The following NPPB variants were observed in gnomAD, a reference collection of about 807,000 sequenced individuals.
NPPB encodes the protein natriuretic peptide B.
In NPPB, 13 loss-of-function variants were observed where a neutral mutation model predicts 12.7. The ratio of observed to expected loss-of-function variants is 1.03; its 90% CI spans 0.67 to 1.63. The LOEUF (loss-of-function observed/expected upper bound fraction) is 1.63. NPPB is among the 40% of genes most tolerant of loss of function. NPPB has a pLI of 0.00. For missense variants in NPPB, 184 were observed against 172.9 expected (o/e 1.06, Z -0.36); for synonymous variants, 66 against 74.7 (o/e 0.88, Z 0.60).
At chr1:11,858,042 T>G (rs1020613832) in intron 2 of NPPB, among the ~76,000 whole-genome samples, 172 bp downstream of exon 2, 14 of 152,186 alleles carry the variant, frequency 9.2e-5, no homozygotes, top group Non-Finnish European at 1.9e-4. Context: ...CCACATTTAC[T>G]AATTCCACAA....
chr1:11,858,532 G>A, intron 1 of NPPB, 63 bp from the exon 2 acceptor site: 1 of 1,543,120 alleles, frequency 6.5e-7, no homozygotes. Context: ...GCCCTTCATG[G>A]CACCCAAGTG....
rs781035522 is a variant in NPPB, at chr1:11,858,191, C to T, written c.388+23G>A. Reference sequence around the variant, plus strand: ...CACACACTGGAATGGGGGAAGGCGGCCGGGGTGGCAGGGGGTGCTTACCTT... The same window carrying T: ...CACACACTGGAATGGGGGAAGGCGGTCGGGGTGGCAGGGGGTGCTTACCTT... On this transcript the variant is annotated intron_variant, in intron 2 of 2. Transcript: ENST00000376468. 25 of 1,572,076 alleles carry T rather than the reference C, an allele frequency of 1.6e-5. No homozygotes were observed. The East Asian group carries it at 5.4e-4, about 34-fold the overall frequency.
intron 2 of NPPB, 31 bp downstream of exon 2, chr1:11,858,183 G>C: frequency 6.4e-7 from 1 of 1,564,050 alleles, no homozygotes. Context: ...TGGAATGGGG[G>C]AAGGCGGCCG....
chr1:11,858,848 T>G lies in NPPB; in HGVS notation c.-15A>C, dbSNP rs1349703127. 6.2e-6 allele frequency: 10 copies of G among 1,612,546 alleles called. No homozygotes were observed. The South Asian group carries it at 1.1e-4, about 18-fold the overall frequency. ...TGGGGATCCATGTCTCTGGAGGGAC[T>G]GCGGAGGCTGCTGCTGCTGCTTCTG... On this transcript the variant is annotated 5_prime_UTR_variant, in exon 1 of 3. Transcript: ENST00000376468.
Position 11,858,854 on chromosome 1 carries a change from GGCTGCTGCTGCTGCTTCTGCT to G in NPPB, c.-42_-22del, listed in dbSNP as rs750116217. 2.6e-4 allele frequency: 426 copies of G among 1,609,016 alleles called. No individual in the cohort carries two copies. Among genetic ancestry groups the G allele is most frequent in the Non-Finnish European group, 3.4e-4 (405 of 1,179,864 alleles). On this transcript the variant is annotated 5_prime_UTR_variant, in exon 1 of 3. Transcript: ENST00000376468. ...TCCATGTCTCTGGAGGGACTGCGGA[GGCTGCTGCTGCTGCTTCTGCT>G]GCTGCTGCTGCTGCTGCGATGCGTC...
Position 11,858,935 on chromosome 1 carries a change from G to T in NPPB, c.-102C>A. The T allele has an allele frequency of 6.3e-7, 1 of 1,578,530 alleles. No homozygotes were observed. The highest frequency in any genetic ancestry group is 1.1e-5 in the South Asian group (1 of 88,366). On this transcript the variant is annotated 5_prime_UTR_variant, in exon 1 of 3. Coordinates refer to ENST00000376468, the MANE Select transcript of NPPB (RefSeq NM_002521.3). The stretch of plus-strand genomic sequence containing the variant: ...TTCCCACCTGCCCTCAGCCTGCGGG[G>T]TGCTCCTCCTGGCTCCTCGGGACAC...
In NPPB at chr1:11,858,698, T is replaced by G. The variant is rs779881008; in HGVS notation, c.132+4A>C. ...AATCCCCCTGAGCTGCCCTCCGCTC[T>G]CACCTGTAACCCGGACGTTTCCAAG... On this transcript the variant is annotated splice_donor_region_variant and intron_variant, in intron 1 of 2. Transcript: ENST00000376468. 7.4e-6 allele frequency: 12 copies of G among 1,614,072 alleles called. No homozygotes were observed. The Admixed American group carries it at 1.2e-4, about 16-fold the overall frequency.
At chr1:11,858,026 A>G (rs1645131326) in intron 2 of NPPB, among the ~76,000 whole-genome samples, 188 bp downstream of exon 2, 3 of 152,216 alleles carry the variant, frequency 2.0e-5, no homozygotes. Context: ...TGGTAATGAA[A>G]TAAGCCCACA....
At chr1:11,858,490 C>T in intron 1 of NPPB, 21 bp from the exon 2 acceptor site, 1 of 1,532,472 alleles carries the variant, frequency 6.5e-7, no homozygotes, top group Non-Finnish European at 8.8e-7. Flanking sequence ...TGGGGGCGTC[C>T]AAGCCTCAGG....
At position 11,858,344 on chromosome 1, in the gene NPPB, G is replaced by A; in HGVS notation, c.258C>T (p.Gly86=). ...VWKSREVATE[G]IRGHRKMVLY... ...GGACCATTTTGCGGTGCCCACGGAT[G>A]CCCTCGGTGGCTACCTCCCGGGACT... is the stretch of plus-strand genomic sequence containing the variant. The change falls in exon 2 of 3, where the codon GGC becomes GGT. Residue 86 remains glycine, a synonymous_variant. Transcript: ENST00000376468. The A allele has an allele frequency of 6.2e-7, 1 of 1,612,344 alleles. No homozygotes were observed.
At position 11,858,239 on chromosome 1, in the gene NPPB, G is replaced by A. The variant is rs761461008; in HGVS notation, c.363C>T (p.Ser121=). The A allele has an allele frequency of 6.2e-7, 1 of 1,612,418 alleles. No individual in the cohort carries two copies. The highest frequency in any genetic ancestry group is 1.1e-5 in the South Asian group (1 of 90,872). The stretch of plus-strand genomic sequence containing the variant: ...CTTTGCAGCCCAGGCCACTGGAGGA[G>A]CTGATCCGGTCCATCTTCCTCCCAA... The part of the protein sequence containing the change: ...GCFGRKMDRI[S]SSSGLGCKVL... The change falls in exon 2 of 3, where the codon AGC becomes AGT. Residue 121 remains serine, a synonymous_variant. Coordinates refer to ENST00000376468, the MANE Select transcript of NPPB (RefSeq NM_002521.3).
Position 11,858,901 on chromosome 1 carries a change from C to A in NPPB, c.-68G>T. 9.3e-6 allele frequency: 15 copies of A among 1,609,622 alleles called. No individual in the cohort carries two copies. The highest frequency in any genetic ancestry group is 1.1e-5 in the Non-Finnish European group (13 of 1,179,074). On this transcript the variant is annotated 5_prime_UTR_variant, in exon 1 of 3. Transcript: ENST00000376468. ...GCTGCTGCTGCTGCTGCGATGCGTC[C>A]GGGTTTGCTTCCCACCTGCCCTCAG...
At chr1:11,858,107 C>G in intron 2 of NPPB, 107 bp downstream of exon 2, 1 of 1,127,526 alleles carries the variant, frequency 8.9e-7, no homozygotes, top group South Asian at 1.6e-5. Flanking sequence ...TCCAGGTGAC[C>G]TTTTCTCAAA....
chr1:11,858,684 G>A lies in NPPB; in HGVS notation c.132+18C>T. On this transcript the variant is annotated intron_variant, in intron 1 of 2. Transcript: ENST00000376468. Reference sequence around the variant, plus strand: ...CATTGCTGCTGTCCAATCCCCCTGAGCTGCCCTCCGCTCTCACCTGTAACC... The same window carrying A: ...CATTGCTGCTGTCCAATCCCCCTGAACTGCCCTCCGCTCTCACCTGTAACC... 1 of 1,614,166 alleles carries A rather than the reference G, an allele frequency of 6.2e-7. No homozygotes were observed. Among genetic ancestry groups the A allele is most frequent in the Non-Finnish European group, 8.5e-7 (1 of 1,180,028 alleles).
chr1:11,858,214 C>G lies in NPPB; in HGVS notation c.388G>C (p.Val130Leu), dbSNP rs769562494. Residue 130 changes from valine to leucine, a missense_variant and splice_region_variant, in exon 2 of 3, where the codon GTG (valine) becomes CTG (leucine). By Grantham distance (32) the Val-to-Leu change is conservative. Coordinates refer to ENST00000376468, the MANE Select transcript of NPPB (RefSeq NM_002521.3). ...GGCCGGGGTGGCAGGGGGTGCTTAC[C>G]TTTGCAGCCCAGGCCACTGGAGGAG... is the stretch of plus-strand genomic sequence containing the variant. ...ISSSSGLGCKVLRRH is the reference protein window; with the variant it reads ...ISSSSGLGCKLLRRH 48 of 1,600,616 alleles carry G rather than the reference C, an allele frequency of 3.0e-5. No individual in the cohort carries two copies. Among genetic ancestry groups the G allele is most frequent in the Non-Finnish European group, 4.1e-5 (48 of 1,171,982 alleles).
Position 11,858,917 on chromosome 1 carries a change from C to A in NPPB, c.-84G>T. 6.2e-7 allele frequency: 1 copy of A among 1,603,450 alleles called. No homozygotes were observed. The highest frequency in any genetic ancestry group is 2.2e-5 in the East Asian group (1 of 44,640). ...CGATGCGTCCGGGTTTGCTTCCCAC[C>A]TGCCCTCAGCCTGCGGGGTGCTCCT... On this transcript the variant is annotated 5_prime_UTR_variant, in exon 1 of 3. In the 5' UTR this introduces an upstream ATG that the reference lacks. Transcript: ENST00000376468.
At position 11,858,931 on chromosome 1, in the gene NPPB, C is replaced by G; in HGVS notation, c.-98G>C. On this transcript the variant is annotated 5_prime_UTR_variant, in exon 1 of 3. Transcript: ENST00000376468. ...TTGCTTCCCACCTGCCCTCAGCCTG[C>G]GGGGTGCTCCTCCTGGCTCCTCGGG... 1.3e-6 allele frequency: 2 copies of G among 1,582,756 alleles called. 1 individual carries two copies. The highest frequency in any genetic ancestry group is 4.0e-4 in the Middle Eastern group (2 of 4,960).
chr1:11,857,511 A>G lies in NPPB; in HGVS notation c.*144T>C. 1.4e-6 allele frequency: 1 copy of G among 735,616 alleles called. No individual in the cohort carries two copies. Among genetic ancestry groups the G allele is most frequent in the Non-Finnish European group, 2.3e-6 (1 of 439,436 alleles). The allele number at this position is 735,616 out of a possible 1,614,324, so 45.6% of individuals were successfully genotyped here. On this transcript the variant is annotated 3_prime_UTR_variant, in exon 3 of 3. Transcript: ENST00000376468. Reference sequence around the variant, plus strand: ...ATTTCACCGTGGAAATTTTGTGCTCAAAGGTAAGAAACCATCTTATATAAA... The same window carrying G: ...ATTTCACCGTGGAAATTTTGTGCTCGAAGGTAAGAAACCATCTTATATAAA...
rs746041507 is a variant in NPPB, at chr1:11,858,294, C to T, written c.308G>A (p.Ser103Asn). The T allele has an allele frequency of 2.5e-6, 4 of 1,614,116 alleles. No individual in the cohort carries two copies. The highest frequency in any genetic ancestry group is 2.2e-5 in the East Asian group (1 of 44,876). Residue 103 changes from serine to asparagine, a missense_variant, in exon 2 of 3, where the codon AGC becomes AAC. Physicochemically the swap from Ser to Asn is conservative, Grantham distance 46. Coordinates refer to ENST00000376468, the MANE Select transcript of NPPB (RefSeq NM_002521.3). ...GCCAGACCCTTGCACCATCTTGGGG[C>T]TTCGTGGTGCCCGCAGGGTGTAGAG... ...MVLYTLRAPRSPKMVQGSGCF... is the reference protein window; with the variant it reads ...MVLYTLRAPRNPKMVQGSGCF...
Sources: gnomAD v4.1 joint callset for allele counts (sites outside exome capture counted in the v4.1 genomes callset) on GRCh38, gnomAD v4.1.1 for gene constraint, MANE v1.5 for transcripts, NCBI Gene and HGNC (gene_info 2026-07-23, HGNC 2026-07-21) for gene names.